PTPN12: variants seen among roughly 807,000 people sequenced by gnomAD.
PTPN12 encodes tyrosine-protein phosphatase non-receptor type 12.
A neutral mutation model predicts 97.6 loss-of-function variants in PTPN12; 29 were observed. The observed-to-expected ratio is 0.30, with a 90% CI of 0.22 to 0.41. PTPN12 has a LOEUF of 0.41. PTPN12 is among the 10% of genes least tolerant of loss of function. The pLI is 1.00. For synonymous variants in PTPN12, 327 were observed against 300.4 expected (o/e 1.09, Z -0.91); for missense variants, 819 against 926.0 (o/e 0.88, Z 1.50).
intron 16 of PTPN12, among the ~76,000 whole-genome samples, chr7:77,638,248 G>A (rs1367336515): frequency 2.6e-5 from 4 of 151,468 alleles, no homozygotes; most frequent in Admixed American, 2.0e-4. Context: ...ATGAGCCACC[G>A]CGCCTGGCCT....
chr7:77,537,386 G>A lies in PTPN12; in HGVS notation c.-161G>A. The stretch of plus-strand genomic sequence containing the variant: ...GAGCCCAGCCGGTGCCGCCGCAGCC[G>A]CCGCCTAGGGCGGTGGGGAGGAGGA... On this transcript the variant is annotated 5_prime_UTR_variant, in exon 1 of 18. Coordinates refer to ENST00000248594, the MANE Select transcript of PTPN12 (RefSeq NM_002835.4). The A allele has an allele frequency of 1.9e-6, 2 of 1,035,628 alleles. No homozygotes were observed. Among genetic ancestry groups the A allele is most frequent in the East Asian group, 3.7e-5 (1 of 27,050 alleles). The allele number at this position is 1,035,628 out of a possible 1,614,324, so 64.2% of individuals were successfully genotyped here. A position where few individuals can be genotyped will look rare whatever the true frequency, so the allele number is the denominator to read the frequency against.
chr7:77,605,842 C>T (rs1313881901), intron 8 of PTPN12, among the ~76,000 whole-genome samples: 2 of 151,504 alleles, frequency 1.3e-5, no homozygotes, highest in African/African-American at 4.9e-5. Flanking sequence ...ACTGCTGTTG[C>T]TCAATCCGTT....
intron 1 of PTPN12, among the ~76,000 whole-genome samples, chr7:77,555,310 T>G (rs951331044): frequency 2.6e-5 from 4 of 152,114 alleles, no homozygotes; most frequent in Non-Finnish European, 5.9e-5. Context: ...TGCTTGGATC[T>G]GTGGTTTGGT....
At chr7:77,584,452 T>C (rs1323153804) in intron 4 of PTPN12, among the ~76,000 whole-genome samples, 1 of 152,228 alleles carries the variant, frequency 6.6e-6, no homozygotes, top group African/African-American at 2.4e-5. Context: ...ACATCCTGTA[T>C]CTTGATAAGA....
intron 2 of PTPN12, among the ~76,000 whole-genome samples, chr7:77,577,319 T>C (rs949399869): frequency 5.9e-5 from 9 of 152,226 alleles, no homozygotes; most frequent in Non-Finnish European, 1.0e-4. Context: ...CATAGCGATA[T>C]TAACTTCTAT....
At chr7:77,597,567 A>G (rs918689910) in intron 6 of PTPN12, among the ~76,000 whole-genome samples, 1 of 152,126 alleles carries the variant, frequency 6.6e-6, no homozygotes, top group Non-Finnish European at 1.5e-5. Context: ...ATTGACACAT[A>G]GTATCTATAC....
In PTPN12 at chr7:77,627,422, T is replaced by C. The variant is rs778426971; in HGVS notation, c.1743T>C (p.Leu581=). 6.2e-7 allele frequency: 1 copy of C among 1,614,108 alleles called. No homozygotes were observed. Among genetic ancestry groups the C allele is most frequent in the South Asian group, 1.1e-5 (1 of 91,084 alleles). The change falls in exon 13 of 18, where the codon CTT becomes CTC. Residue 581 remains leucine (L), a synonymous_variant. Transcript: ENST00000248594. The part of the protein sequence containing the change: ...SPTTQVETPD[L]VDHDNTSPLF... ...CAACACAAGTTGAAACACCTGATCT[T>C]GTGGATCATGATAACACTTCACCAC...
intron 7 of PTPN12, among the ~76,000 whole-genome samples, chr7:77,600,431 G>A (rs1322397202): frequency 3.9e-5 from 6 of 152,094 alleles, no homozygotes; most frequent in African/African-American, 1.4e-4. Flanking sequence ...TATAAAATGA[G>A]GATGGTATTA....
chr7:77,607,304 A>G lies in PTPN12; in HGVS notation c.762+3A>G. On this transcript the variant is annotated splice_donor_region_variant and intron_variant, in intron 9 of 17. Coordinates refer to ENST00000248594, the MANE Select transcript of PTPN12 (RefSeq NM_002835.4). Reference sequence around the variant, plus strand: ...CGTGGAATTTACTAAAAGCTGGGGTAAGAATAATTTTTTGTAGCATTATGT... The same window carrying G: ...CGTGGAATTTACTAAAAGCTGGGGTGAGAATAATTTTTTGTAGCATTATGT... The G allele has an allele frequency of 6.2e-7, 1 of 1,600,726 alleles. No homozygotes were observed. Among genetic ancestry groups the G allele is most frequent in the African/African-American group, 1.3e-5 (1 of 74,776 alleles).
chr7:77,564,981 C>T (rs1358989736), intron 1 of PTPN12, among the ~76,000 whole-genome samples: 1 of 151,942 alleles, frequency 6.6e-6, no homozygotes, highest in East Asian at 1.9e-4. Context: ...TGGTCTCGAT[C>T]TCCTGACTTC....
At chr7:77,539,725 T>C (rs531487076) in intron 1 of PTPN12, among the ~76,000 whole-genome samples, 2 of 152,282 alleles carry the variant, frequency 1.3e-5, no homozygotes, top group African/African-American at 4.8e-5. Flanking sequence ...GCCTCCCAGA[T>C]TCAAGCGATG....
chr7:77,592,367 C>A, intron 6 of PTPN12, 111 bp downstream of exon 6: 3 of 877,576 alleles, frequency 3.4e-6, no homozygotes, highest in Non-Finnish European at 1.7e-6. Context: ...CAAGGACTCA[C>A]AAACCTATGC....
chr7:77,537,909 G>A (rs945521057), intron 1 of PTPN12: 10 of 586,822 alleles, frequency 1.7e-5, no homozygotes, highest in Middle Eastern at 6.4e-4. Flanking sequence ...CGAGCCCGCA[G>A]CCTGCACCGT....
At chr7:77,614,592 G>A (rs1336632170) in intron 11 of PTPN12, among the ~76,000 whole-genome samples, 1 of 152,022 alleles carries the variant, frequency 6.6e-6, no homozygotes, top group Non-Finnish European at 1.5e-5. Flanking sequence ...AAGAAAAGAT[G>A]GATTATCATT....
intron 13 of PTPN12, among the ~76,000 whole-genome samples, chr7:77,628,958 A>G (rs1429168475): frequency 6.6e-6 from 1 of 152,116 alleles, no homozygotes; most frequent in Non-Finnish European, 1.5e-5. Flanking sequence ...ACTAGATGAC[A>G]GTCTTTTTGA....
chr7:77,633,384 C>T (rs1468421195), intron 14 of PTPN12, among the ~76,000 whole-genome samples: 3 of 151,876 alleles, frequency 2.0e-5, no homozygotes, highest in African/African-American at 4.8e-5. Context: ...CCAAGGCGGG[C>T]AGATCACGAG....
At chr7:77,601,526 A>G (rs907172655) in intron 8 of PTPN12, among the ~76,000 whole-genome samples, 46 of 152,056 alleles carry the variant, frequency 3.0e-4, no homozygotes, top group African/African-American at 1.0e-3. Flanking sequence ...TTTTTAATAT[A>G]TGTAAGATGT....
intron 1 of PTPN12, among the ~76,000 whole-genome samples, chr7:77,548,266 C>G (rs1351527855): frequency 6.6e-6 from 1 of 152,094 alleles, no homozygotes; most frequent in Non-Finnish European, 1.5e-5. Context: ...AATGGTGGGT[C>G]TCTTGCTTAG....
At chr7:77,550,471 A>T (rs1024803189) in intron 1 of PTPN12, among the ~76,000 whole-genome samples, 10 of 152,198 alleles carry the variant, frequency 6.6e-5, no homozygotes, top group Non-Finnish European at 1.3e-4. Flanking sequence ...TGATACACCA[A>T]CCATTTTGTT....
Sources: gnomAD v4.1 joint callset for allele counts (sites outside exome capture counted in the v4.1 genomes callset) on GRCh38, gnomAD v4.1.1 for gene constraint, MANE v1.5 for transcripts, NCBI Gene and HGNC (gene_info 2026-07-23, HGNC 2026-07-21) for gene names.